CGNL1: variants seen among roughly 807,000 people sequenced by gnomAD.
The protein encoded by CGNL1 is cingulin-like protein 1.
In CGNL1, 132 loss-of-function variants were observed where a neutral mutation model predicts 141.2. The ratio of observed to expected loss-of-function variants is 0.93; its 90% CI spans 0.81 to 1.08. The LOEUF (loss-of-function observed/expected upper bound fraction) is 1.08. CGNL1 is among the 50% of genes least tolerant of loss of function. The pLI, the probability that CGNL1 is intolerant of heterozygous loss-of-function variation, is 0.00. For missense variants in CGNL1, 1,870 were observed against 1,588.6 expected, an observed-to-expected ratio of 1.18 and a Z score of -3.01; for synonymous variants, 690 against 622.1, an observed-to-expected ratio of 1.11 and a Z score of -1.63.
chr15:57,388,153 C>T (rs2062503869), intron 1 of CGNL1, among the ~76,000 whole-genome samples: 1 of 152,160 alleles, frequency 6.6e-6, no homozygotes, highest in South Asian at 2.1e-4. Context: ...AGAGCAGTGC[C>T]AGGCTCCTGA....
intron 4 of CGNL1, among the ~76,000 whole-genome samples, chr15:57,449,923 C>T (rs1241547381): frequency 3.3e-5 from 5 of 152,076 alleles, no homozygotes; most frequent in African/African-American, 9.7e-5. Context: ...ATTAATATTC[C>T]ATTGTCTGAT....
chr15:57,401,599 T>C, intron 1 of CGNL1, among the ~76,000 whole-genome samples: 1 of 152,212 alleles, frequency 6.6e-6, no homozygotes, highest in Non-Finnish European at 1.5e-5. Flanking sequence ...ATGAAGTGTT[T>C]AGTTGTCCTT....
chr15:57,434,055 C>T (rs2063076205), intron 1 of CGNL1, among the ~76,000 whole-genome samples: 1 of 146,608 alleles, frequency 6.8e-6, no homozygotes, highest in African/African-American at 2.5e-5. Context: ...GGTGTATTAC[C>T]AAAGCCTTCA....
At chr15:57,456,510 AAC>A (rs1490018453) in intron 7 of CGNL1, among the ~76,000 whole-genome samples, 1 of 152,072 alleles carries the variant, frequency 6.6e-6, no homozygotes. Context: ...AAATAAATAA[AAC>A]AGTTTAAAAA....
chr15:57,458,747 G>T (rs1474466450), intron 7 of CGNL1, among the ~76,000 whole-genome samples: 1 of 152,156 alleles, frequency 6.6e-6, no homozygotes, highest in Non-Finnish European at 1.5e-5. Flanking sequence ...TTAAGAAGGG[G>T]CTGGGCAGCG....
chr15:57,385,038 A>G (rs2082593681), intron 1 of CGNL1, among the ~76,000 whole-genome samples: 1 of 152,208 alleles, frequency 6.6e-6, no homozygotes, highest in Non-Finnish European at 1.5e-5. Flanking sequence ...TCTTATCTGA[A>G]GGGCATCCCG....
chr15:57,487,459 G>C (rs1270540590), intron 8 of CGNL1, among the ~76,000 whole-genome samples: 1 of 152,070 alleles, frequency 6.6e-6, no homozygotes, highest in African/African-American at 2.4e-5. Flanking sequence ...TGACATACTG[G>C]GTTAGGATAC....
rs1329720063 is a variant in CGNL1 at position 57,545,426 on chromosome 15, G to A, written c.3501-166G>A. ...CCTTCTCAGAGCCCCATTTCCTCACGTCTCTCACAAGCAGCTTTTTCTGCT... is the reference window on the plus strand; with the variant it reads ...CCTTCTCAGAGCCCCATTTCCTCACATCTCTCACAAGCAGCTTTTTCTGCT... On this transcript the variant is annotated intron_variant, in intron 16 of 18. Transcript: ENST00000281282. Among the ~76,000 whole-genome samples, 6 of 152,162 alleles carry A rather than the reference G, an allele frequency of 3.9e-5. No homozygotes were observed. The East Asian group carries it at 9.7e-4, about 25-fold the overall frequency.
At chr15:57,485,253 G>C (rs2063772314) in intron 8 of CGNL1, among the ~76,000 whole-genome samples, 1 of 152,128 alleles carries the variant, frequency 6.6e-6, no homozygotes, top group East Asian at 1.9e-4. Context: ...GTCCATTTTG[G>C]TTAGAAAACC....
At chr15:57,506,292 G>A (rs1208793024) in intron 8 of CGNL1, among the ~76,000 whole-genome samples, 1 of 152,246 alleles carries the variant, frequency 6.6e-6, no homozygotes, top group Non-Finnish European at 1.5e-5. Context: ...AAGGCGAACG[G>A]CACTGCAGGG....
intron 8 of CGNL1, among the ~76,000 whole-genome samples, chr15:57,508,765 G>A (rs2029956397): frequency 6.6e-6 from 1 of 152,204 alleles, no homozygotes; most frequent in Admixed American, 6.5e-5. Context: ...TACTCGAAGG[G>A]GTATCCACAG....
chr15:57,461,702 A>G lies in CGNL1; in HGVS notation c.2213A>G (p.Asp738Gly), dbSNP rs535750839. ...LIEELLQAKQ[D>G]LQDLLIAKEE... ...TAGGAGCTCTTACAGGCAAAACAGG[A>G]TCTTCAAGATCTGCTGATTGCCAAA... Residue 738 changes from aspartate (D) to glycine (G), a missense_variant, in exon 8 of 19, where the codon GAT becomes GGT. Asp to Gly is a moderately conservative substitution (Grantham distance 94). Coordinates refer to ENST00000281282, the MANE Select transcript of CGNL1 (RefSeq NM_032866.5). The G allele has an allele frequency of 1.2e-6, 2 of 1,614,074 alleles. No homozygotes were observed. The highest frequency in any genetic ancestry group is 4.5e-5 in the East Asian group (2 of 44,862).
intron 1 of CGNL1, among the ~76,000 whole-genome samples, chr15:57,423,891 C>T (rs191402441): frequency 1.1e-3 from 170 of 152,320 alleles, no homozygotes; most frequent in Non-Finnish European, 2.2e-3. Context: ...TGCTGCCAGG[C>T]GATGCTGTTG....
intron 15 of CGNL1, among the ~76,000 whole-genome samples, chr15:57,544,172 T>C (rs780719679): frequency 9.2e-5 from 14 of 152,194 alleles, no homozygotes; most frequent in Non-Finnish European, 1.8e-4. Context: ...TGTCCCCCTG[T>C]AGGTTTATAG....
chr15:57,433,846 A>G (rs1180619066), intron 1 of CGNL1, among the ~76,000 whole-genome samples: 5 of 152,144 alleles, frequency 3.3e-5, no homozygotes, highest in African/African-American at 1.2e-4. Flanking sequence ...AATGAAGTGG[A>G]AGACTTTCCT....
At chr15:57,463,619 C>T (rs1197852409) in intron 8 of CGNL1, among the ~76,000 whole-genome samples, 8 of 152,208 alleles carry the variant, frequency 5.3e-5, no homozygotes, top group Non-Finnish European at 1.2e-4. Context: ...ATACTGCTGC[C>T]AGCAACTTTC....
At chr15:57,448,007 T>A (rs149111502) in intron 4 of CGNL1, among the ~76,000 whole-genome samples, 2 of 152,320 alleles carry the variant, frequency 1.3e-5, no homozygotes, top group East Asian at 3.9e-4. Context: ...AGGATGGTTC[T>A]TTTAAGAACT....
intron 8 of CGNL1, among the ~76,000 whole-genome samples, chr15:57,509,417 G>A (rs1430472375): frequency 2.6e-5 from 4 of 152,184 alleles, no homozygotes; most frequent in East Asian, 3.9e-4. Context: ...CTGTGTACTG[G>A]GTCGGCACTA....
intron 1 of CGNL1, among the ~76,000 whole-genome samples, chr15:57,393,346 T>C (rs1476904479): frequency 5.9e-5 from 9 of 152,198 alleles, no homozygotes; most frequent in African/African-American, 2.2e-4. Context: ...TGAAAAGCTT[T>C]CAGTGTTCAC....
Sources: gnomAD v4.1 joint callset for allele counts (sites outside exome capture counted in the v4.1 genomes callset) on GRCh38, gnomAD v4.1.1 for gene constraint, MANE v1.5 for transcripts, NCBI Gene and HGNC (gene_info 2026-07-23, HGNC 2026-07-21) for gene names.